Variants in SARDH observed in about 807,000 individuals in gnomAD.
SARDH encodes the protein sarcosine dehydrogenase, also known as sarcosine dehydrogenase, mitochondrial.
Under a neutral mutation model 109.1 loss-of-function variants are expected in SARDH, and 95 were observed. That is an observed-to-expected ratio of 0.87 (90% confidence interval 0.74 to 1.03). The LOEUF (loss-of-function observed/expected upper bound fraction) is 1.03. Among genes scored for constraint, SARDH ranks in the 50% least tolerant of loss-of-function variants. SARDH has a pLI of 0.00. For missense variants in SARDH, 1,267 were observed against 1,287.8 expected, an observed-to-expected ratio of 0.98 and a Z score of 0.25; for synonymous variants, 572 against 534.8, an observed-to-expected ratio of 1.07 and a Z score of -0.96.
Position 133,726,394 on chromosome 9 carries a change from A to ATAATAATAATAATAATAGTAG in SARDH, c.915+3370_915+3371insCTACTATTATTATTATTATTA, listed in dbSNP as rs59172198. On this transcript the variant is annotated intron_variant, in intron 6 of 20. Coordinates refer to ENST00000439388, the MANE Select transcript of SARDH (RefSeq NM_001134707.2). ...AATAATAATAATAATAATAATAATA[A>ATAATAATAATAATAATAGTAG]TAGTAGTAGTAGTAGTAGTAGTTAT... Among the ~76,000 whole-genome samples the ATAATAATAATAATAATAGTAG allele has an allele frequency of 1.1e-3, 141 of 132,336 alleles. 1 individual carries two copies. The highest frequency in any genetic ancestry group is 5.0e-3 in the South Asian group (19 of 3,818). The allele number at this position is 132,336 out of a possible 152,430, so 86.8% of individuals were successfully genotyped here.
chr9:133,711,404 T>G (rs1831913064), intron 10 of SARDH, among the ~76,000 whole-genome samples: 2 of 152,224 alleles, frequency 1.3e-5, no homozygotes, highest in Admixed American at 1.3e-4. Context: ...ATTTTGCTGT[T>G]TGCAGCAGGA....
At chr9:133,681,650 G>A (rs1253459412) in intron 17 of SARDH, among the ~76,000 whole-genome samples, 1 of 152,162 alleles carries the variant, frequency 6.6e-6, no homozygotes. Context: ...CGCTAGTGAG[G>A]GAGAGGACGA....
chr9:133,716,805 C>T (rs1333089472), intron 8 of SARDH, among the ~76,000 whole-genome samples: 1 of 152,206 alleles, frequency 6.6e-6, no homozygotes, highest in Admixed American at 6.5e-5. Context: ...CCGCCAAGAA[C>T]AGGAGGGAGG....
At position 133,663,715 on chromosome 9, in the gene SARDH, T is replaced by C. The variant is rs1234373620; in HGVS notation, c.*174A>G. 2 of 843,276 alleles carry C rather than the reference T, an allele frequency of 2.4e-6. No individual in the cohort carries two copies. Among genetic ancestry groups the C allele is most frequent in the Non-Finnish European group, 3.8e-6 (2 of 531,086 alleles). The allele number at this position is 843,276 out of a possible 1,614,324, so 52.2% of individuals were successfully genotyped here. ...TGCCTTCCAGTCAGTGACCACAGGA[T>C]GGGCCATCTTGGTCTCTGTCCGTAT... On this transcript the variant is annotated 3_prime_UTR_variant, in exon 21 of 21. Transcript: ENST00000439388.
In SARDH at chr9:133,731,501, G is replaced by A. The variant is rs776737818; in HGVS notation, c.511-17C>T. On this transcript the variant is annotated splice_polypyrimidine_tract_variant and intron_variant, in intron 3 of 20. Transcript: ENST00000439388. Reference sequence around the variant, plus strand: ...CTTGCCCAGCTAGGGGGACCCAGGGGAGGTTAACTGAGTCCGTGGGGAGCA... The same window carrying A: ...CTTGCCCAGCTAGGGGGACCCAGGGAAGGTTAACTGAGTCCGTGGGGAGCA... 3 of 1,612,808 alleles carry A rather than the reference G, an allele frequency of 1.9e-6. No homozygotes were observed. Among genetic ancestry groups the A allele is most frequent in the South Asian group, 1.1e-5 (1 of 90,946 alleles).
At chr9:133,733,682 GC>G (rs34725672) in intron 2 of SARDH, among the ~76,000 whole-genome samples, 160 bp downstream of exon 2, 1 of 152,196 alleles carries the variant, frequency 6.6e-6, no homozygotes, top group African/African-American at 2.4e-5. Context: ...GGCAAGCAGT[GC>G]CCCCAGCTCC....
chr9:133,660,344 G>A (rs906526729), downstream of SARDH, among the ~76,000 whole-genome samples: 64 of 152,178 alleles, frequency 4.2e-4, no homozygotes, highest in Middle Eastern at 3.4e-3. Flanking sequence ...AGAGTAAGCC[G>A]GGGAGCTCGA....
rs116664011 is a variant in SARDH at position 133,726,593 on chromosome 9, G to T, written c.915+3172C>A. 3.3e-3 allele frequency among the ~76,000 whole-genome samples: 508 copies of T among 152,210 alleles called. 4 individuals are homozygous for T. The highest frequency in any genetic ancestry group is 0.012 in the African/African-American group (489 of 41,548). ...AGATCCTGCTGCCTCTGAGCACCCA[G>T]CGGAGTGCCCAGTTCAGCATCAGCG... On this transcript the variant is annotated intron_variant, in intron 6 of 20. Transcript: ENST00000439388.
chr9:133,726,466 C>T (rs925670635), intron 6 of SARDH, among the ~76,000 whole-genome samples: 8 of 151,870 alleles, frequency 5.3e-5, no homozygotes, highest in African/African-American at 9.7e-5. Context: ...AAGCCAGCCC[C>T]AGAGTTCCAT....
At chr9:133,702,450 G>A (rs1831522506) in intron 13 of SARDH, among the ~76,000 whole-genome samples, 1 of 152,238 alleles carries the variant, frequency 6.6e-6, no homozygotes, top group African/African-American at 2.4e-5. Flanking sequence ...GGTTCCCTCT[G>A]CTTGTCCCTT....
At chr9:133,698,014 AAAAAAAAG>A (rs1212108789) in intron 13 of SARDH, among the ~76,000 whole-genome samples, 2 of 150,390 alleles carry the variant, frequency 1.3e-5, no homozygotes, top group Admixed American at 6.6e-5. Flanking sequence ...TCCACTAAAA[AAAAAAAAG>A]AAAAAAAAGA....
At chr9:133,672,085 C>T (rs1049962630) in intron 17 of SARDH, among the ~76,000 whole-genome samples, 5 of 152,212 alleles carry the variant, frequency 3.3e-5, no homozygotes, top group Non-Finnish European at 5.9e-5. Flanking sequence ...GGGCAAGCCA[C>T]GCTTCCTCTG....
Position 133,667,323 on chromosome 9 carries a change from T to C in SARDH, c.2496-453A>G, listed in dbSNP as rs561966626. 2.0e-3 allele frequency among the ~76,000 whole-genome samples: 299 copies of C among 150,274 alleles called. 1 individual carries two copies. Among genetic ancestry groups the C allele is most frequent in the African/African-American group, 6.9e-3 (282 of 40,944 alleles). Reference sequence around the variant, plus strand: ...CTGGGATTACAGGCACCCACCACCATGCCCGGCTAATTTTGTATTTTTAAT... The same window carrying C: ...CTGGGATTACAGGCACCCACCACCACGCCCGGCTAATTTTGTATTTTTAAT... On this transcript the variant is annotated intron_variant, in intron 19 of 20. Coordinates refer to ENST00000439388, the MANE Select transcript of SARDH (RefSeq NM_001134707.2).
intron 17 of SARDH, among the ~76,000 whole-genome samples, chr9:133,684,489 C>A (rs1403004806): frequency 6.6e-6 from 1 of 152,198 alleles, no homozygotes; most frequent in African/African-American, 2.4e-5. Context: ...AAAGCAGATG[C>A]CAAGATGCCT....
At position 133,704,971 on chromosome 9, in the gene SARDH, A is replaced by G; in HGVS notation, c.1531T>C (p.Phe511Leu). The change falls in exon 12 of 21, where the codon TTT becomes CTT. Residue 511 changes from phenylalanine (F) to leucine (L), a missense_variant. Physicochemically the swap from Phe to Leu is conservative, Grantham distance 22. Transcript: ENST00000439388. The surrounding 1 kb of genome is among the most constrained non-coding windows in gnomAD (Gnocchi z 4.5). ...ACCGGAGCTGGGCCTCGGGGATGAAACCATCCCGGTCGCTCCCAGCCATGC... is the reference window on the plus strand; with the variant it reads ...ACCGGAGCTGGGCCTCGGGGATGAAGCCATCCCGGTCGCTCCCAGCCATGC... ...ERHGWERPGW[F>L]HPRGPAPVLE... 1 of 1,583,040 alleles carries G rather than the reference A, an allele frequency of 6.3e-7. No homozygotes were observed. The highest frequency in any genetic ancestry group is 1.3e-5 in the African/African-American group (1 of 74,694).
In SARDH at chr9:133,729,851, C is replaced by A; in HGVS notation, c.829G>T (p.Ala277Ser). ...TTGACTCCAGCCATCCGGCCCACAG[C>A]ACTTGCCCACACTCCTGCGGGCAGA... ...VVNCAGVWAS[A>S]VGRMAGVKVP... Residue 277 changes from alanine (A) to serine (S), a missense_variant, in exon 6 of 21, where the codon GCT (alanine) becomes TCT (serine). Transcript: ENST00000439388. The A allele has an allele frequency of 6.2e-7, 1 of 1,611,836 alleles. No individual in the cohort carries two copies. Among genetic ancestry groups the A allele is most frequent in the Non-Finnish European group, 8.5e-7 (1 of 1,179,996 alleles).
intron 4 of SARDH, among the ~76,000 whole-genome samples, chr9:133,730,523 CT>C (rs1832643918): frequency 2.2e-5 from 1 of 46,228 alleles, no homozygotes; most frequent in Admixed American, 3.4e-4. Context: ...CAGTCTACTG[CT>C]TGGTAAAAAA....
rs777399641 is a variant in SARDH, at chr9:133,712,742, G to GC, written c.1238-34dup. 1.9e-6 allele frequency: 3 copies of GC among 1,589,218 alleles called. No individual in the cohort carries two copies. The highest frequency in any genetic ancestry group is 1.1e-5 in the South Asian group (1 of 90,710). ...GAAGAGAAGCGCAGGGCTGCGGTCT[G>GC]CCCCCCAGGGTCCCCCACCCATGTC... On this transcript the variant is annotated intron_variant, in intron 9 of 20. Coordinates refer to ENST00000439388, the MANE Select transcript of SARDH (RefSeq NM_001134707.2). The surrounding 1 kb of genome is among the most constrained non-coding windows in gnomAD (Gnocchi z 4.1).
intron 8 of SARDH, among the ~76,000 whole-genome samples, 182 bp downstream of exon 8, chr9:133,717,144 C>T (rs367910482): frequency 6.6e-6 from 1 of 152,004 alleles, no homozygotes; most frequent in South Asian, 2.1e-4. Flanking sequence ...GCCTCTCGCC[C>T]GTAGAGGGGA....
Sources: allele counts gnomAD v4.1 joint callset (sites outside exome capture counted in the v4.1 genomes callset), GRCh38; gene constraint gnomAD v4.1.1; non-coding constraint Gnocchi (gnomAD v3.1); transcripts MANE v1.5; gene names NCBI Gene and HGNC (gene_info 2026-07-23, HGNC 2026-07-21).